SMAD2: variants seen among roughly 807,000 people sequenced by gnomAD.
SMAD2 encodes the protein SMAD family member 2.
Under a neutral mutation model 64.4 loss-of-function variants are expected in SMAD2, and 8 were observed. The observed-to-expected ratio is 0.12, with a 90% CI of 0.07 to 0.22. The LOEUF (loss-of-function observed/expected upper bound fraction) is 0.22, where lower values mean the gene tolerates loss of function less well. Ranked by LOEUF, SMAD2 falls within the 10% of genes least tolerant of loss-of-function variation. The probability of loss-of-function intolerance (pLI) is 1.00; values close to 1 mark genes in which losing one functional copy is unlikely to be tolerated. For missense variants in SMAD2, 289 were observed against 561.2 expected, an observed-to-expected ratio of 0.51 and a Z score of 4.90; for synonymous variants, 203 against 195.8, an observed-to-expected ratio of 1.04 and a Z score of -0.31.
intron 2 of SMAD2, among the ~76,000 whole-genome samples, chr18:47,893,214 A>G (rs2033286897): frequency 6.6e-6 from 1 of 152,184 alleles, no homozygotes; most frequent in South Asian, 2.1e-4. Flanking sequence ...AAATGGTGGG[A>G]AGGGAGCGAC....
intron 2 of SMAD2, among the ~76,000 whole-genome samples, chr18:47,889,253 T>C (rs1217027960): frequency 1.3e-5 from 2 of 152,198 alleles, no homozygotes; most frequent in South Asian, 2.1e-4. Flanking sequence ...TGTGTGGGTA[T>C]TGTCTATCTC....
chr18:47,899,912 T>C (rs1029833736), intron 1 of SMAD2, among the ~76,000 whole-genome samples: 12 of 152,102 alleles, frequency 7.9e-5, no homozygotes, highest in African/African-American at 2.9e-4. Flanking sequence ...TAAGAACCCA[T>C]AAACAGTGTA....
At chr18:47,922,160 T>G (rs1201708454) in intron 1 of SMAD2, among the ~76,000 whole-genome samples, 3 of 152,204 alleles carry the variant, frequency 2.0e-5, no homozygotes. Context: ...TTTCAAATCT[T>G]CAAACTGCAG....
intron 1 of SMAD2, among the ~76,000 whole-genome samples, chr18:47,918,345 G>C (rs1246733331): frequency 6.6e-6 from 1 of 152,160 alleles, no homozygotes; most frequent in Non-Finnish European, 1.5e-5. Flanking sequence ...AATACTAGCA[G>C]CCAGACCTCC....
chr18:47,910,824 C>T (rs899665509), intron 1 of SMAD2, among the ~76,000 whole-genome samples: 3 of 152,138 alleles, frequency 2.0e-5, no homozygotes, highest in African/African-American at 7.2e-5. Flanking sequence ...ATTGGTAAGG[C>T]TTCCAGTCAA....
chr18:47,900,028 T>TA (rs2033618496), intron 1 of SMAD2, among the ~76,000 whole-genome samples: 1 of 152,122 alleles, frequency 6.6e-6, no homozygotes, highest in Admixed American at 6.6e-5. Context: ...TTCTCAGCTG[T>TA]AAAATAAGGA....
intron 2 of SMAD2, chr18:47,878,404 C>G (rs142967055): frequency 6.6e-6 from 1 of 152,214 alleles, no homozygotes; most frequent in Non-Finnish European, 1.5e-5. Context: ...ACAGCTGGAT[C>G]CCTATACGTT....
At chr18:47,853,549 G>C (rs1160194928) in intron 6 of SMAD2, 1 of 181,152 alleles carries the variant, frequency 5.5e-6, no homozygotes, top group Non-Finnish European at 1.1e-5. Flanking sequence ...AAAAGAGTAA[G>C]ATAGGTCAGA....
Position 47,870,580 on chromosome 18 carries a change from A to G in SMAD2, c.237-16T>C, listed in dbSNP as rs1313710557. On this transcript the variant is annotated splice_polypyrimidine_tract_variant and intron_variant, in intron 2 of 10. Transcript: ENST00000262160. ...AGAGCAAGTGCTGTGCATAAATTGAAAAACAAAAAATTGATGTGAACATGG... is the reference window on the plus strand; with the variant it reads ...AGAGCAAGTGCTGTGCATAAATTGAGAAACAAAAAATTGATGTGAACATGG... 1.3e-6 allele frequency: 2 copies of G among 1,552,696 alleles called. No homozygotes were observed. Among genetic ancestry groups the G allele is most frequent in the African/African-American group, 2.7e-5 (2 of 73,652 alleles).
intron 2 of SMAD2, among the ~76,000 whole-genome samples, chr18:47,889,679 G>A (rs2033095041): frequency 6.6e-6 from 1 of 151,738 alleles, no homozygotes; most frequent in Non-Finnish European, 1.5e-5. Flanking sequence ...GCTGAGGCAG[G>A]AGAATGGCGT....
intron 2 of SMAD2, among the ~76,000 whole-genome samples, chr18:47,876,754 T>G (rs1020859022): frequency 6.6e-6 from 1 of 152,092 alleles, no homozygotes; most frequent in Non-Finnish European, 1.5e-5. Flanking sequence ...AAGCTGACTT[T>G]TGAAAACTGA....
chr18:47,842,627 AC>A (rs1914080329), intron 10 of SMAD2, among the ~76,000 whole-genome samples: 1 of 152,218 alleles, frequency 6.6e-6, no homozygotes, highest in African/African-American at 2.4e-5. Flanking sequence ...AACTGTACTT[AC>A]CAAATCAACC....
rs1416488993 is a variant in SMAD2, at chr18:47,818,344, G to A, written c.*23483C>T. ...AGTATCCCTTTTAATGTAAATTTAG[G>A]TTTGCCTAATAACTGCTTAGGGTGA... is the stretch of plus-strand genomic sequence containing the variant. On this transcript the variant is annotated 3_prime_UTR_variant, in exon 11 of 11. Transcript: ENST00000262160. 6.6e-6 allele frequency: 1 copy of A among 152,118 alleles called. No homozygotes were observed. The highest frequency in any genetic ancestry group is 1.5e-5 in the Non-Finnish European group (1 of 68,028). 9.4% of individuals were successfully genotyped at this position (152,118 alleles called of 1,614,324 possible).
intron 2 of SMAD2, among the ~76,000 whole-genome samples, chr18:47,879,495 CGTGTGTGTGT>C (rs58440360): frequency 9.9e-5 from 14 of 141,444 alleles, no homozygotes; most frequent in South Asian, 2.5e-4. Flanking sequence ...ATGTATATGA[CGTGTGTGTGT>C]GTGTGTGTGT....
In SMAD2 at chr18:47,838,977, C is replaced by T. The variant is rs1043285740; in HGVS notation, c.*2850G>A. 2 of 232,292 alleles carry T rather than the reference C, an allele frequency of 8.6e-6. No individual in the cohort carries two copies. The highest frequency in any genetic ancestry group is 4.4e-5 in the African/African-American group (2 of 45,030). 14.4% of individuals were successfully genotyped at this position (232,292 alleles called of 1,614,324 possible). On this transcript the variant is annotated 3_prime_UTR_variant, in exon 11 of 11. Coordinates refer to ENST00000262160, the MANE Select transcript of SMAD2 (RefSeq NM_005901.6). ...ATTCAACAAAGAGGGGATTCTATCA[C>T]TTAGAAAAATGAAAACCACACCTAT...
intron 1 of SMAD2, among the ~76,000 whole-genome samples, chr18:47,910,387 T>C (rs970434906): frequency 6.6e-6 from 1 of 151,116 alleles, no homozygotes; most frequent in African/African-American, 2.4e-5. Context: ...CTATATATAA[T>C]ATAGGGTTCT....
chr18:47,921,271 A>AT (rs1194355025), intron 1 of SMAD2, among the ~76,000 whole-genome samples: 1 of 152,252 alleles, frequency 6.6e-6, no homozygotes, highest in Non-Finnish European at 1.5e-5. Context: ...ATTAAGTGAC[A>AT]TATGTGACCA....
rs1263640728 is a variant in SMAD2 at position 47,820,423 on chromosome 18, G to T, written c.*21404C>A. ...AAGGCATAAAAATTGCTTTTTATTGGGAAAAAAGTTGTTTAAATTCAGAGT... is the reference window on the plus strand; with the variant it reads ...AAGGCATAAAAATTGCTTTTTATTGTGAAAAAAGTTGTTTAAATTCAGAGT... On this transcript the variant is annotated 3_prime_UTR_variant, in exon 11 of 11. Transcript: ENST00000262160. The T allele has an allele frequency of 1.3e-5, 2 of 152,120 alleles. No individual in the cohort carries two copies. The highest frequency in any genetic ancestry group is 1.3e-4 in the Admixed American group (2 of 15,280). 9.4% of individuals were successfully genotyped at this position (152,120 alleles called of 1,614,324 possible).
Position 47,821,617 on chromosome 18 carries a change from T to C in SMAD2, c.*20210A>G, listed in dbSNP as rs1280406979. 3 of 152,370 alleles carry C rather than the reference T, an allele frequency of 2.0e-5. No homozygotes were observed. In the East Asian group the frequency reaches 5.8e-4, roughly 29 times the overall value. 9.4% of individuals were successfully genotyped at this position (152,370 alleles called of 1,614,324 possible). A position where few individuals can be genotyped will look rare whatever the true frequency, so the allele number is the denominator to read the frequency against. Reference sequence around the variant, plus strand: ...GTGTCTGATTAAATTCAAGTACCTTTTCATCAGATTCAACTTTCAGTATAT... The same window carrying C: ...GTGTCTGATTAAATTCAAGTACCTTCTCATCAGATTCAACTTTCAGTATAT... On this transcript the variant is annotated 3_prime_UTR_variant, in exon 11 of 11. Transcript: ENST00000262160.
Sources: gnomAD v4.1 joint callset for allele counts (sites outside exome capture counted in the v4.1 genomes callset) on GRCh38, gnomAD v4.1.1 for gene constraint, MANE v1.5 for transcripts, NCBI Gene and HGNC (gene_info 2026-07-23, HGNC 2026-07-21) for gene names.